TLL2: variants seen among roughly 807,000 people sequenced by gnomAD.
TLL2 encodes tolloid-like protein 2.
In TLL2, 106 loss-of-function variants were observed where a neutral mutation model predicts 123.0. That is an observed-to-expected ratio of 0.86 (90% confidence interval 0.74 to 1.01). The LOEUF is 1.01. Among genes scored for constraint, TLL2 ranks in the 50% least tolerant of loss-of-function variants. The pLI, the probability that TLL2 is intolerant of heterozygous loss-of-function variation, is 0.00. For synonymous variants in TLL2, 494 were observed against 516.8 expected (o/e 0.96, Z 0.60); for missense variants, 1,332 against 1,336.7 (o/e 1.00, Z 0.06).
At chr10:96,413,464 G>A (rs771135970) in intron 7 of TLL2, 148 bp from the exon 8 acceptor site, 1 of 1,003,008 alleles carries the variant, frequency 1.0e-6, no homozygotes, top group Non-Finnish European at 1.4e-6. Context: ...GACTGAAGAG[G>A]TTTCCTTCGC....
At chr10:96,465,761 G>A (rs962362558) in intron 2 of TLL2, among the ~76,000 whole-genome samples, 11 of 152,198 alleles carry the variant, frequency 7.2e-5, no homozygotes, top group South Asian at 2.1e-4. Context: ...TGAAGTGAAC[G>A]GGGTTGGGTG....
intron 3 of TLL2, among the ~76,000 whole-genome samples, chr10:96,442,607 C>G (rs1028000041): frequency 6.6e-6 from 1 of 152,142 alleles, no homozygotes; most frequent in Non-Finnish European, 1.5e-5. Context: ...TTATCCGCTT[C>G]GAACAAACCA....
At chr10:96,414,474 G>C (rs1267450686) in intron 7 of TLL2, among the ~76,000 whole-genome samples, 1 of 151,688 alleles carries the variant, frequency 6.6e-6, no homozygotes, top group African/African-American at 2.4e-5. Context: ...CTTCTCCCTG[G>C]GTCCAGGCCA....
chr10:96,465,696 C>T (rs535907315), intron 2 of TLL2, among the ~76,000 whole-genome samples: 45 of 152,300 alleles, frequency 3.0e-4, no homozygotes, highest in South Asian at 6.2e-4. Flanking sequence ...CCACTGGCCC[C>T]GTATGCATGC....
intron 1 of TLL2, among the ~76,000 whole-genome samples, chr10:96,511,830 G>A (rs1268570280): frequency 6.6e-6 from 1 of 152,170 alleles, no homozygotes; most frequent in Non-Finnish European, 1.5e-5. Context: ...CACCCAGCAG[G>A]GTCTAGGATC....
intron 7 of TLL2, 107 bp from the exon 8 acceptor site, chr10:96,413,423 G>T: frequency 7.2e-7 from 1 of 1,389,546 alleles, no homozygotes; most frequent in Non-Finnish European, 9.6e-7. Context: ...CAACATTCCT[G>T]CCCCCTGGCC....
intron 1 of TLL2, among the ~76,000 whole-genome samples, chr10:96,499,631 G>A (rs1457271752): frequency 1.3e-5 from 2 of 152,158 alleles, no homozygotes; most frequent in Non-Finnish European, 2.9e-5. Context: ...GGTGCAGAAT[G>A]AGCCCTCTGC....
In TLL2 at chr10:96,395,050, C is replaced by G. The variant is rs114218554; in HGVS notation, c.1726+137G>C. The G allele has an allele frequency of 5.7e-4, 526 of 923,486 alleles. 2 individuals are homozygous for G. The African/African-American group carries it at 7.9e-3, about 14-fold the overall frequency. The allele number at this position is 923,486 out of a possible 1,614,324, so 57.2% of individuals were successfully genotyped here. ...CTCTGCTGGGGGCTCACACCCAGCT[C>G]TGAAATGCATCGCTGCCTTTTCTCT... On this transcript the variant is annotated intron_variant, in intron 13 of 20. Coordinates refer to ENST00000357947, the MANE Select transcript of TLL2 (RefSeq NM_012465.4).
At chr10:96,426,104 T>A (rs1383502605) in intron 5 of TLL2, among the ~76,000 whole-genome samples, 1 of 152,116 alleles carries the variant, frequency 6.6e-6, no homozygotes, top group Non-Finnish European at 1.5e-5. Context: ...CTGCATGTTG[T>A]ATTGTACAGG....
At position 96,384,584 on chromosome 10, in the gene TLL2, T is replaced by C. The variant is rs1846212806; in HGVS notation, c.2194+3A>G. 5.1e-6 allele frequency: 8 copies of C among 1,580,850 alleles called. No homozygotes were observed. The East Asian group carries it at 1.8e-4, about 36-fold the overall frequency. On this transcript the variant is annotated splice_donor_region_variant and intron_variant, in intron 16 of 20. Coordinates refer to ENST00000357947, the MANE Select transcript of TLL2 (RefSeq NM_012465.4). ...CATCAGCCTCACCTCTGAACCCGCA[T>C]ACCTGAGAAGAAGTGGGCCCTGAAG...
chr10:96,442,362 G>A (rs1846857958), intron 3 of TLL2, among the ~76,000 whole-genome samples: 1 of 152,224 alleles, frequency 6.6e-6, no homozygotes, highest in South Asian at 2.1e-4. Context: ...AAGGGAACCT[G>A]AGATTGACAC....
At chr10:96,413,054 C>T (rs868654268) in intron 8 of TLL2, 138 bp downstream of exon 8, 1 of 1,262,288 alleles carries the variant, frequency 7.9e-7, no homozygotes, top group Non-Finnish European at 1.1e-6. Flanking sequence ...CTGCCTAGCA[C>T]CTCCTACCAG....
chr10:96,408,830 A>G (rs556524565), intron 9 of TLL2, among the ~76,000 whole-genome samples: 64 of 152,346 alleles, frequency 4.2e-4, no homozygotes, highest in Non-Finnish European at 7.2e-4. Context: ...TCAGAGTCCA[A>G]TTGCCTGGGT....
intron 2 of TLL2, among the ~76,000 whole-genome samples, chr10:96,480,144 G>A (rs2134104249): frequency 6.6e-6 from 1 of 152,328 alleles, no homozygotes; most frequent in African/African-American, 2.4e-5. Context: ...GGCAAATGGA[G>A]ATTTTCTTAG....
chr10:96,450,746 G>C (rs945122329), intron 2 of TLL2, among the ~76,000 whole-genome samples: 1 of 152,184 alleles, frequency 6.6e-6, no homozygotes, highest in Non-Finnish European at 1.5e-5. Context: ...ATAGAACAAG[G>C]AAGAGAGAAA....
intron 5 of TLL2, among the ~76,000 whole-genome samples, chr10:96,427,441 C>G (rs895111890): frequency 7.2e-5 from 11 of 152,228 alleles, no homozygotes; most frequent in African/African-American, 2.4e-4. Context: ...TCTCGTGCTA[C>G]TGAGCATTTC....
At chr10:96,435,282 C>T (rs1034986286) in intron 3 of TLL2, among the ~76,000 whole-genome samples, 4 of 152,122 alleles carry the variant, frequency 2.6e-5, no homozygotes, top group South Asian at 2.1e-4. Flanking sequence ...CTGCCCGCCT[C>T]GGCCTCCCAA....
At chr10:96,455,746 G>A (rs981095724) in intron 2 of TLL2, among the ~76,000 whole-genome samples, 6 of 152,222 alleles carry the variant, frequency 3.9e-5, no homozygotes, top group Admixed American at 3.9e-4. Flanking sequence ...ATAAGAATGG[G>A]CAACCAGCAG....
At chr10:96,488,458 C>A (rs1471561993) in intron 1 of TLL2, among the ~76,000 whole-genome samples, 1 of 152,246 alleles carries the variant, frequency 6.6e-6, no homozygotes, top group African/African-American at 2.4e-5. Context: ...GGCTCCCACA[C>A]TGCGGTCCTG....
Sources: allele counts gnomAD v4.1 joint callset (sites outside exome capture counted in the v4.1 genomes callset), GRCh38; gene constraint gnomAD v4.1.1; transcripts MANE v1.5; gene names NCBI Gene and HGNC (gene_info 2026-07-23, HGNC 2026-07-21).